RNGTT: variants seen among roughly 807,000 people sequenced by gnomAD.
The protein encoded by RNGTT is RNA guanylyltransferase and 5'-phosphatase.
Under a neutral mutation model 79.3 loss-of-function variants are expected in RNGTT, and 33 were observed. The ratio of observed to expected loss-of-function variants is 0.42; its 90% CI spans 0.32 to 0.56. The LOEUF is 0.56. Among genes scored for constraint, RNGTT ranks in the 20% least tolerant of loss-of-function variants. The pLI is 0.17. For missense variants in RNGTT, 497 were observed against 739.1 expected, an observed-to-expected ratio of 0.67 and a Z score of 3.80; for synonymous variants, 222 against 235.9, an observed-to-expected ratio of 0.94 and a Z score of 0.54.
chr6:88,786,459 G>A (rs940555103), intron 12 of RNGTT, among the ~76,000 whole-genome samples: 4 of 152,090 alleles, frequency 2.6e-5, no homozygotes, highest in East Asian at 3.8e-4. Context: ...ATTTTTAAGT[G>A]ACGAATGGCC....
rs548139423 is a variant in RNGTT, at chr6:88,796,648, C to T, written c.1338+4916G>A. ...TTAAAGGTTGATTTAACCAAAACAGCTATAGCCATAAAAAATACACTTTTC... is the reference window on the plus strand; with the variant it reads ...TTAAAGGTTGATTTAACCAAAACAGTTATAGCCATAAAAAATACACTTTTC... On this transcript the variant is annotated intron_variant, in intron 12 of 15. Transcript: ENST00000369485. Among the ~76,000 whole-genome samples the T allele has an allele frequency of 4.6e-5, 7 of 152,116 alleles. No individual in the cohort carries two copies. The South Asian group carries it at 1.5e-3, about 32-fold the overall frequency.
At chr6:88,932,172 TA>T (rs753256306) in intron 2 of RNGTT, among the ~76,000 whole-genome samples, 9 of 152,144 alleles carry the variant, frequency 5.9e-5, no homozygotes, top group Non-Finnish European at 1.3e-4. Flanking sequence ...ATGGCCGCTC[TA>T]GGAGGGTCTG....
rs79468559 is a variant in RNGTT, at chr6:88,623,316, C to T, written c.1507-8921G>A. ...CATAGATCTAACTCATTTCCAAGCT[C>T]TTCTTCTTATATCCTATAATTAACT... is the stretch of plus-strand genomic sequence containing the variant. On this transcript the variant is annotated intron_variant, in intron 14 of 15. Coordinates refer to ENST00000369485, the MANE Select transcript of RNGTT (RefSeq NM_003800.5). Among the ~76,000 whole-genome samples, 657 of 152,146 alleles carry T rather than the reference C, an allele frequency of 4.3e-3. 2 individuals carry two copies. Among genetic ancestry groups the T allele is most frequent in the African/African-American group, 0.015 (622 of 41,532 alleles).
intron 12 of RNGTT, among the ~76,000 whole-genome samples, chr6:88,799,309 C>T (rs934822562): frequency 3.3e-5 from 5 of 152,150 alleles, no homozygotes; most frequent in Admixed American, 2.6e-4. Context: ...GAAACTTTCA[C>T]GTTAAACCAA....
intron 6 of RNGTT, among the ~76,000 whole-genome samples, chr6:88,893,769 A>G (rs567156340): frequency 6.6e-6 from 1 of 152,066 alleles, no homozygotes; most frequent in Non-Finnish European, 1.5e-5. Context: ...AACTTCCTCT[A>G]TTTTCTTCCA....
At chr6:88,728,702 T>A (rs1303131896) in intron 13 of RNGTT, among the ~76,000 whole-genome samples, 1 of 152,188 alleles carries the variant, frequency 6.6e-6, no homozygotes, top group African/African-American at 2.4e-5. Flanking sequence ...ATTAGATTCT[T>A]TGAAATGTGT....
At chr6:88,923,855 T>C (rs1307522510) in intron 4 of RNGTT, among the ~76,000 whole-genome samples, 1 of 152,220 alleles carries the variant, frequency 6.6e-6, no homozygotes, top group Non-Finnish European at 1.5e-5. Flanking sequence ...AGTTCACAAT[T>C]AAAATAGTTT....
chr6:88,653,699 T>C (rs563550859), intron 14 of RNGTT, among the ~76,000 whole-genome samples: 2 of 152,328 alleles, frequency 1.3e-5, no homozygotes, highest in African/African-American at 2.4e-5. Flanking sequence ...ATGAACTCCA[T>C]GGTATATACT....
At chr6:88,690,259 T>C (rs1775431038) in intron 13 of RNGTT, among the ~76,000 whole-genome samples, 3 of 152,184 alleles carry the variant, frequency 2.0e-5, no homozygotes, top group African/African-American at 2.4e-5. Flanking sequence ...CATAAGTTGA[T>C]AGCATTGTAC....
At chr6:88,694,054 C>T (rs1775572967) in intron 13 of RNGTT, among the ~76,000 whole-genome samples, 1 of 152,140 alleles carries the variant, frequency 6.6e-6, no homozygotes, top group Admixed American at 6.6e-5. Flanking sequence ...GCAAAGACCA[C>T]TACTCTCACC....
chr6:88,660,391 T>C (rs768700773), intron 14 of RNGTT, among the ~76,000 whole-genome samples: 2 of 152,058 alleles, frequency 1.3e-5, no homozygotes, highest in Non-Finnish European at 2.9e-5. Flanking sequence ...CAACCAAGTA[T>C]CCTATCTGTT....
chr6:88,773,610 T>A (rs948140074), intron 12 of RNGTT, among the ~76,000 whole-genome samples: 1 of 151,766 alleles, frequency 6.6e-6, no homozygotes, highest in South Asian at 2.1e-4. Context: ...AGCATAAAGA[T>A]AGACAAAAAC....
intron 11 of RNGTT, among the ~76,000 whole-genome samples, chr6:88,832,723 A>C (rs1013488535): frequency 6.6e-6 from 1 of 152,160 alleles, no homozygotes; most frequent in Admixed American, 6.6e-5. Flanking sequence ...CAAGTAACTT[A>C]AATTTACAAG....
intron 12 of RNGTT, among the ~76,000 whole-genome samples, chr6:88,791,390 C>T (rs1317896844): frequency 2.0e-5 from 3 of 151,814 alleles, no homozygotes; most frequent in Non-Finnish European, 4.4e-5. Context: ...CCGCCCACCT[C>T]GGCCTCCCAA....
At chr6:88,736,376 A>C (rs553240850) in intron 13 of RNGTT, among the ~76,000 whole-genome samples, 1 of 152,300 alleles carries the variant, frequency 6.6e-6, no homozygotes, top group South Asian at 2.1e-4. Flanking sequence ...GCAAAACTAC[A>C]GATGAGTGTC....
intron 13 of RNGTT, among the ~76,000 whole-genome samples, chr6:88,735,662 CA>C (rs951859212): frequency 1.5e-4 from 22 of 150,972 alleles, no homozygotes; most frequent in Admixed American, 7.2e-4. Flanking sequence ...ACAAACTTGC[CA>C]AAATTTGTGG....
chr6:88,905,805 T>C (rs1197633876), intron 5 of RNGTT, among the ~76,000 whole-genome samples: 1 of 152,172 alleles, frequency 6.6e-6, no homozygotes, highest in Non-Finnish European at 1.5e-5. Flanking sequence ...AAAGTGAATA[T>C]ACAGTTTATG....
intron 1 of RNGTT, among the ~76,000 whole-genome samples, chr6:88,956,538 C>G (rs1303807457): frequency 6.6e-6 from 1 of 152,172 alleles, no homozygotes; most frequent in African/African-American, 2.4e-5. Context: ...CTAAATCATT[C>G]TATGAAGCCA....
intron 13 of RNGTT, among the ~76,000 whole-genome samples, chr6:88,747,387 T>G (rs1466937166): frequency 6.6e-6 from 1 of 152,170 alleles, no homozygotes; most frequent in Non-Finnish European, 1.5e-5. Context: ...ATCTGTCAGC[T>G]CAATATACCA....
Sources: gnomAD v4.1 joint callset for allele counts (sites outside exome capture counted in the v4.1 genomes callset) on GRCh38, gnomAD v4.1.1 for gene constraint, MANE v1.5 for transcripts, NCBI Gene and HGNC (gene_info 2026-07-23, HGNC 2026-07-21) for gene names.